Variants in CYP4Z1 observed in about 807,000 individuals in gnomAD.
CYP4Z1 encodes the protein cytochrome P450 4Z1.
CYP4Z1 carries 41 observed loss-of-function variants against 54.2 expected under a neutral mutation model. The observed-to-expected ratio is 0.76, with a 90% CI of 0.59 to 0.98. The LOEUF (loss-of-function observed/expected upper bound fraction) is 0.98. Ranked by LOEUF, CYP4Z1 falls within the 50% of genes least tolerant of loss-of-function variation. CYP4Z1 has a pLI of 0.00. For missense variants in CYP4Z1, 513 were observed against 599.0 expected (o/e 0.86, Z 1.50); for synonymous variants, 163 against 206.2 (o/e 0.79, Z 1.79).
intron 7 of CYP4Z1, among the ~76,000 whole-genome samples, chr1:47,095,972 A>C (rs970197676): frequency 6.6e-6 from 1 of 152,158 alleles, no homozygotes; most frequent in South Asian, 2.1e-4. Flanking sequence ...ATAAATAAAT[A>C]CTCTGTGAAC....
chr1:47,099,352 T>C (rs1318399932), intron 8 of CYP4Z1, 68 bp downstream of exon 8: 1 of 1,388,304 alleles, frequency 7.2e-7, no homozygotes, highest in African/African-American at 1.5e-5. Context: ...TCTCTTCCGG[T>C]ATCAGTAAGT....
chr1:47,083,221 G>T (rs1047753451), intron 4 of CYP4Z1, among the ~76,000 whole-genome samples: 2 of 152,028 alleles, frequency 1.3e-5, no homozygotes, highest in Non-Finnish European at 2.9e-5. Flanking sequence ...CAGAGACATG[G>T]GTTCCCCTAA....
At chr1:47,109,999 C>T (rs922327305) in intron 9 of CYP4Z1, among the ~76,000 whole-genome samples, 18 of 151,926 alleles carry the variant, frequency 1.2e-4, no homozygotes, top group South Asian at 4.2e-4. Context: ...CTTTTTCTGA[C>T]GTATTCTTGG....
intron 9 of CYP4Z1, among the ~76,000 whole-genome samples, chr1:47,113,167 A>T (rs1644805514): frequency 6.6e-6 from 1 of 152,184 alleles, no homozygotes; most frequent in African/African-American, 2.4e-5. Flanking sequence ...GAATCCTGTT[A>T]TACAACCTCC....
At chr1:47,105,182 C>A (rs1644748156) in intron 8 of CYP4Z1, among the ~76,000 whole-genome samples, 1 of 134,304 alleles carries the variant, frequency 7.4e-6, no homozygotes, top group South Asian at 2.8e-4. Flanking sequence ...TGGCTCCCAC[C>A]TTGGCACCAG....
the CYP4Z1 span, among the ~76,000 whole-genome samples, chr1:47,055,921 C>A: frequency 6.6e-6 from 1 of 152,238 alleles, no homozygotes; most frequent in East Asian, 1.9e-4. Context: ...CTATTTCCTT[C>A]AGTTCTGCTC....
chr1:47,078,755 G>A lies in CYP4Z1; in HGVS notation c.320-1868G>A, dbSNP rs76608488. The stretch of plus-strand genomic sequence containing the variant: ...TGGGGCACACCTCTAATATTTAATT[G>A]GGGCATTTACAAGTTTGCCTTAGCT... On this transcript the variant is annotated intron_variant, in intron 2 of 11. Coordinates refer to ENST00000334194, the MANE Select transcript of CYP4Z1 (RefSeq NM_178134.3). 0.021 allele frequency among the ~76,000 whole-genome samples: 2,267 copies of A among 105,844 alleles called. 69 individuals carry two copies. The East Asian group carries it at 0.23, about 11-fold the overall frequency. The allele number at this position is 105,844 out of a possible 152,430, so 69.4% of individuals were successfully genotyped here. A position where few individuals can be genotyped will look rare whatever the true frequency, so the allele number is the denominator to read the frequency against.
intron 8 of CYP4Z1, among the ~76,000 whole-genome samples, chr1:47,102,801 A>G (rs1265179504): frequency 6.6e-6 from 1 of 152,190 alleles, no homozygotes; most frequent in Non-Finnish European, 1.5e-5. Flanking sequence ...AATACGCTGT[A>G]GAGAAGACCT....
At chr1:47,111,564 C>A (rs778998398) in intron 9 of CYP4Z1, among the ~76,000 whole-genome samples, 1 of 152,146 alleles carries the variant, frequency 6.6e-6, no homozygotes, top group Non-Finnish European at 1.5e-5. Context: ...AACTGCCTTT[C>A]AAAGACCTAC....
rs1222732005 is a variant in CYP4Z1 at position 47,099,229 on chromosome 1, C to G, written c.1012C>G (p.Gln338Glu). ...CTTGGCAAAGTACCCTGAGCATCAG[C>G]AGAGATGCCGAGATGAAATCAGGGA... ...YCLAKYPEHQ[Q>E]RCRDEIRELL... The change falls in exon 8 of 12, where the codon CAG becomes GAG. Residue 338 changes from glutamine (Q) to glutamate (E), a missense_variant. Physicochemically the swap from Gln to Glu is conservative, Grantham distance 29 (BLOSUM62 2). Coordinates refer to ENST00000334194, the MANE Select transcript of CYP4Z1 (RefSeq NM_178134.3). The G allele has an allele frequency of 1.1e-5, 17 of 1,613,712 alleles. No individual in the cohort carries two copies. The highest frequency in any genetic ancestry group is 1.4e-5 in the Non-Finnish European group (17 of 1,179,916).
At chr1:47,085,152 A>G (rs1241095830) in intron 6 of CYP4Z1, among the ~76,000 whole-genome samples, 174 bp downstream of exon 6, 2 of 152,170 alleles carry the variant, frequency 1.3e-5, no homozygotes, top group Non-Finnish European at 2.9e-5. Flanking sequence ...AGAGGGTATT[A>G]TATTATTGAC....
intron 1 of CYP4Z1, 57 bp from the exon 2 acceptor site, chr1:47,068,565 A>G (rs1644467589): frequency 1.3e-6 from 2 of 1,595,030 alleles, no homozygotes; most frequent in Non-Finnish European, 1.7e-6. Context: ...TCCGAGGGAA[A>G]GGGGTCCTCC....
chr1:47,108,894 G>A (rs527860619), intron 9 of CYP4Z1, among the ~76,000 whole-genome samples: 3 of 152,188 alleles, frequency 2.0e-5, no homozygotes, highest in African/African-American at 7.2e-5. Context: ...TACCCAGACA[G>A]TATCCAAGTC....
rs145495656 is a variant in CYP4Z1 at position 47,094,521 on chromosome 1, T to C, written c.773-45T>C. On this transcript the variant is annotated intron_variant, in intron 6 of 11. Transcript: ENST00000334194. ...AACTACATTTGGCTTTGATTGACTT[T>C]CCAGTAACCTTGATAATAACAAAGA... 3.6e-3 allele frequency: 4,863 copies of C among 1,337,170 alleles called. 14 individuals carry two copies. Among genetic ancestry groups the C allele is most frequent in the Non-Finnish European group, 4.6e-3 (4,468 of 963,628 alleles). 82.8% of individuals were successfully genotyped at this position (1,337,170 alleles called of 1,614,324 possible). A position where few individuals can be genotyped will look rare whatever the true frequency, so the allele number is the denominator to read the frequency against.
In CYP4Z1 at chr1:47,082,347, G is replaced by A. The variant is rs867712109; in HGVS notation, c.378G>A (p.Val126=). 6.2e-7 allele frequency: 1 copy of A among 1,606,982 alleles called. No homozygotes were observed. The highest frequency in any genetic ancestry group is 8.5e-7 in the Non-Finnish European group (1 of 1,177,290). The change falls in exon 4 of 12, where the codon GTG becomes GTA. Residue 126 remains valine (V), a synonymous_variant. Coordinates refer to ENST00000334194, the MANE Select transcript of CYP4Z1 (RefSeq NM_178134.3). ...TCATTTCATAAGGTCGAGGACTTGT[G>A]ACCCTGGATGGTTCTAAATGGAAAA... ...ILESWVGRGL[V]TLDGSKWKKH...
chr1:47,086,678 G>T (rs984148900), intron 6 of CYP4Z1, among the ~76,000 whole-genome samples: 1 of 152,162 alleles, frequency 6.6e-6, no homozygotes, highest in African/African-American at 2.4e-5. Flanking sequence ...CTTTTGCTGT[G>T]CAGAAGCTCT....
intron 6 of CYP4Z1, among the ~76,000 whole-genome samples, chr1:47,088,288 C>A (rs1367354836): frequency 2.0e-5 from 3 of 151,452 alleles, no homozygotes; most frequent in Non-Finnish European, 4.4e-5. Context: ...TCCTCCTTGT[C>A]CCTCTGGTAG....
At chr1:47,103,577 TTTTTTTTTCTTTTTTTTC>T (rs1165777121) in intron 8 of CYP4Z1, among the ~76,000 whole-genome samples, 1 of 143,770 alleles carries the variant, frequency 7.0e-6, no homozygotes, top group Non-Finnish European at 1.5e-5. Flanking sequence ...ACCTTCTTCT[TTTTTTTTTCTTTTTTTTC>T]TTTTTTTTTT....
chr1:47,099,351 G>T, intron 8 of CYP4Z1, 67 bp downstream of exon 8: 1 of 1,410,560 alleles, frequency 7.1e-7, no homozygotes, highest in Non-Finnish European at 9.5e-7. Context: ...CTCTCTTCCG[G>T]TATCAGTAAG....
Sources: allele counts gnomAD v4.1 joint callset (sites outside exome capture counted in the v4.1 genomes callset), GRCh38; gene constraint gnomAD v4.1.1; transcripts MANE v1.5; gene names NCBI Gene and HGNC (gene_info 2026-07-23, HGNC 2026-07-21).